RANBP2: variants seen among roughly 807,000 people sequenced by gnomAD.
The protein encoded by RANBP2 is RAN binding protein 2.
In RANBP2, 57 loss-of-function variants were observed where a neutral mutation model predicts 303.6. The ratio of observed to expected loss-of-function variants is 0.19; its 90% CI spans 0.15 to 0.23. RANBP2 has a LOEUF of 0.23. Among genes scored for constraint, RANBP2 ranks in the 10% least tolerant of loss-of-function variants. The pLI, the probability that RANBP2 is intolerant of heterozygous loss-of-function variation, is 1.00. For missense variants in RANBP2, 3,138 were observed against 3,780.8 expected, an observed-to-expected ratio of 0.83 and a Z score of 4.46; for synonymous variants, 1,167 against 1,301.5, an observed-to-expected ratio of 0.90 and a Z score of 2.23.
At chr2:109,508,303 C>A in the RANBP2 span, among the ~76,000 whole-genome samples, 1 of 152,150 alleles carries the variant, frequency 6.6e-6, no homozygotes, top group Non-Finnish European at 1.5e-5. Flanking sequence ...GAGGTGTCAG[C>A]CCTGCCCAGA....
At chr2:109,395,656 A>G in the RANBP2 span, among the ~76,000 whole-genome samples, 2 of 152,186 alleles carry the variant, frequency 1.3e-5, no homozygotes, top group Non-Finnish European at 2.9e-5. Context: ...TCCGCCGTGA[A>G]GGCACAGTGC....
the RANBP2 span, among the ~76,000 whole-genome samples, chr2:109,674,928 C>G: frequency 2.0e-5 from 3 of 152,074 alleles, no homozygotes; most frequent in African/African-American, 7.2e-5. Flanking sequence ...CACTTCATGT[C>G]TTATTTTGCT....
At chr2:108,856,836 T>C in the RANBP2 span, 1 of 1,613,626 alleles carries the variant, frequency 6.2e-7, no homozygotes, top group Non-Finnish European at 8.5e-7. Context: ...TGTTTGGACT[T>C]GAAGACAGAA....
intron 25 of RANBP2, among the ~76,000 whole-genome samples, chr2:108,778,972 C>A (rs983154418): frequency 2.0e-5 from 3 of 152,182 alleles, no homozygotes; most frequent in Non-Finnish European, 4.4e-5. Flanking sequence ...TCAAGCAGTC[C>A]TGCCACCTTG....
At chr2:109,657,369 G>T in the RANBP2 span, among the ~76,000 whole-genome samples, 23 of 152,090 alleles carry the variant, frequency 1.5e-4, no homozygotes, top group Non-Finnish European at 2.8e-4. Context: ...GATCACCTGA[G>T]CCCAGGAGGT....
At chr2:109,491,606 T>C in the RANBP2 span, among the ~76,000 whole-genome samples, 1 of 152,160 alleles carries the variant, frequency 6.6e-6, no homozygotes, top group Non-Finnish European at 1.5e-5. Flanking sequence ...GTGCTTGGGT[T>C]TCACCTGGGG....
At chr2:109,550,574 G>C in the RANBP2 span, among the ~76,000 whole-genome samples, 2 of 151,998 alleles carry the variant, frequency 1.3e-5, no homozygotes, top group African/African-American at 4.8e-5. Flanking sequence ...TCGGCCTCCC[G>C]AAGTGCTAGG....
At chr2:109,727,650 C>T in the RANBP2 span, among the ~76,000 whole-genome samples, 2 of 152,192 alleles carry the variant, frequency 1.3e-5, no homozygotes, top group Non-Finnish European at 2.9e-5. Flanking sequence ...ACAGAGAGCA[C>T]ATCTGATGAT....
the RANBP2 span, among the ~76,000 whole-genome samples, chr2:109,092,567 T>G: frequency 6.6e-6 from 1 of 152,196 alleles, no homozygotes; most frequent in African/African-American, 2.4e-5. Flanking sequence ...GATTTTCTTT[T>G]GTAAAGTGGC....
Position 108,733,310 on chromosome 2 carries a change from T to C in RANBP2, c.405+1836T>C, listed in dbSNP as rs1695327453. ...AGACAGAGTCTTGCTTAGTCACCCA[T>C]GCTGGAGTGCAGTGGTGCTACCTCG... On this transcript the variant is annotated intron_variant, in intron 4 of 28. Coordinates refer to ENST00000283195, the MANE Select transcript of RANBP2 (RefSeq NM_006267.5). Among the ~76,000 whole-genome samples the C allele has an allele frequency of 2.2e-5, 3 of 134,982 alleles. No homozygotes were observed. The South Asian group carries it at 8.0e-4, about 36-fold the overall frequency. The allele number at this position is 134,982 out of a possible 152,430, so 88.6% of individuals were successfully genotyped here.
the RANBP2 span, among the ~76,000 whole-genome samples, chr2:109,078,230 ATATATATATATAGCGTG>A: frequency 4.0e-4 from 16 of 39,776 alleles, no homozygotes; most frequent in African/African-American, 1.3e-3. Context: ...TATAGCGTGT[ATATATATATATAGCGTG>A]TATATATATA....
chr2:109,413,632 C>T, the RANBP2 span, among the ~76,000 whole-genome samples: 1 of 152,196 alleles, frequency 6.6e-6, no homozygotes, highest in African/African-American at 2.4e-5. Flanking sequence ...TGTATGAGAA[C>T]GTCTCTGGCC....
the RANBP2 span, among the ~76,000 whole-genome samples, chr2:109,374,962 G>A: frequency 6.6e-6 from 1 of 152,254 alleles, no homozygotes. Flanking sequence ...ACCAGGGCCT[G>A]CCAGTGGCAC....
the RANBP2 span, among the ~76,000 whole-genome samples, chr2:109,604,443 G>C: frequency 9.5e-4 from 137 of 144,252 alleles, no homozygotes; most frequent in African/African-American, 3.4e-3. Context: ...GAAAAGAAAA[G>C]AGGCCGGGCG....
the RANBP2 span, among the ~76,000 whole-genome samples, chr2:109,612,275 G>T: frequency 6.6e-6 from 1 of 152,074 alleles, no homozygotes; most frequent in South Asian, 2.1e-4. Context: ...GAATAAAAAC[G>T]AATCACTGAT....
the RANBP2 span, among the ~76,000 whole-genome samples, chr2:109,537,994 A>G: frequency 6.6e-6 from 1 of 151,806 alleles, no homozygotes; most frequent in Admixed American, 6.6e-5. Flanking sequence ...CACACACACA[A>G]ATTTATCTTA....
At chr2:109,209,909 T>C in the RANBP2 span, among the ~76,000 whole-genome samples, 1 of 152,216 alleles carries the variant, frequency 6.6e-6, no homozygotes, top group Non-Finnish European at 1.5e-5. Context: ...CCCTGTTTTG[T>C]AACCACTGCC....
chr2:108,917,214 C>A, the RANBP2 span, among the ~76,000 whole-genome samples: 1 of 152,120 alleles, frequency 6.6e-6, no homozygotes, highest in East Asian at 1.9e-4. Context: ...ATAAAAGCAA[C>A]GCGCGGCTCG....
chr2:109,235,346 A>T, the RANBP2 span, among the ~76,000 whole-genome samples: 14 of 152,162 alleles, frequency 9.2e-5, no homozygotes, highest in Non-Finnish European at 2.1e-4. Flanking sequence ...AGGGATCTCT[A>T]AGGGCCACTA....
Sources: gnomAD v4.1 joint callset for allele counts (sites outside exome capture counted in the v4.1 genomes callset) on GRCh38, gnomAD v4.1.1 for gene constraint, MANE v1.5 for transcripts, NCBI Gene and HGNC (gene_info 2026-07-23, HGNC 2026-07-21) for gene names.